Variants in BBS9 observed in about 807,000 individuals in gnomAD.
BBS9 encodes the protein protein PTHB1.
A neutral mutation model predicts 117.7 loss-of-function variants in BBS9; 89 were observed. The observed-to-expected ratio is 0.76, with a 90% CI of 0.64 to 0.90. The LOEUF (loss-of-function observed/expected upper bound fraction) is 0.90, where lower values mean the gene tolerates loss of function less well. Ranked by LOEUF, BBS9 falls within the 40% of genes least tolerant of loss-of-function variation. The pLI is 0.00. For missense variants in BBS9, 982 were observed against 1,042.2 expected (o/e 0.94, Z 0.80); for synonymous variants, 379 against 370.9 (o/e 1.02, Z -0.25).
chr7:33,529,248 C>T (rs116764434), intron 20 of BBS9, among the ~76,000 whole-genome samples: 29 of 152,276 alleles, frequency 1.9e-4, no homozygotes, highest in African/African-American at 7.0e-4. Flanking sequence ...ACTGGGCAGC[C>T]ATGTTGGGGG....
chr7:33,268,472 TGC>T (rs1799190516), intron 7 of BBS9, among the ~76,000 whole-genome samples: 1 of 152,220 alleles, frequency 6.6e-6, no homozygotes, highest in East Asian at 1.9e-4. Context: ...GGAGCAATCA[TGC>T]CACTCACCTC....
chr7:33,218,996 C>T (rs959860450), intron 5 of BBS9, among the ~76,000 whole-genome samples: 30 of 152,304 alleles, frequency 2.0e-4, no homozygotes, highest in African/African-American at 5.8e-4. Context: ...AGCGGGAACC[C>T]GGGCTGCGGG....
At chr7:33,420,106 G>C (rs978364308) in intron 19 of BBS9, among the ~76,000 whole-genome samples, 2 of 152,162 alleles carry the variant, frequency 1.3e-5, no homozygotes, top group Non-Finnish European at 1.5e-5. Context: ...ACAAGAACCA[G>C]GGTTTCTGAG....
At chr7:33,371,177 C>T (rs895348636) in intron 17 of BBS9, among the ~76,000 whole-genome samples, 4 of 152,132 alleles carry the variant, frequency 2.6e-5, no homozygotes, top group Admixed American at 6.5e-5. Context: ...TTCAAAAAGA[C>T]AGTTCCTTTA....
At chr7:33,293,847 T>C (rs1804601921) in intron 9 of BBS9, among the ~76,000 whole-genome samples, 1 of 152,192 alleles carries the variant, frequency 6.6e-6, no homozygotes, top group Non-Finnish European at 1.5e-5. Context: ...TATACCTCTT[T>C]ATTTCATCAC....
intron 9 of BBS9, among the ~76,000 whole-genome samples, chr7:33,291,577 G>A (rs886112104): frequency 2.2e-4 from 34 of 152,026 alleles, no homozygotes; most frequent in African/African-American, 7.0e-4. Flanking sequence ...GTTACTTTAC[G>A]TTTAGAATAT....
chr7:33,328,664 A>G (rs1813334221), intron 9 of BBS9, among the ~76,000 whole-genome samples: 1 of 152,232 alleles, frequency 6.6e-6, no homozygotes, highest in Non-Finnish European at 1.5e-5. Flanking sequence ...CAATGTGATA[A>G]CCTACAATGT....
chr7:33,459,002 C>G (rs1346574597), intron 19 of BBS9, among the ~76,000 whole-genome samples: 1 of 151,998 alleles, frequency 6.6e-6, no homozygotes, highest in Non-Finnish European at 1.5e-5. Flanking sequence ...GGGCTTTTTT[C>G]TTTTCTGCCA....
At chr7:33,615,719 G>A (rs750554654) in intron 21 of BBS9, among the ~76,000 whole-genome samples, 3 of 151,960 alleles carry the variant, frequency 2.0e-5, no homozygotes, top group Non-Finnish European at 4.4e-5. Flanking sequence ...CAGGAAGATC[G>A]GAGAACATCA....
intron 5 of BBS9, among the ~76,000 whole-genome samples, chr7:33,250,044 A>G (rs1434546813): frequency 1.3e-5 from 2 of 152,140 alleles, no homozygotes; most frequent in Non-Finnish European, 2.9e-5. Context: ...TACACCACTT[A>G]GATTTTGTAT....
At chr7:33,158,894 A>T (rs1247935489) in intron 4 of BBS9, among the ~76,000 whole-genome samples, 1 of 152,312 alleles carries the variant, frequency 6.6e-6, no homozygotes, top group African/African-American at 2.4e-5. Context: ...CCACATGGTA[A>T]AAGACGATTT....
intron 7 of BBS9, among the ~76,000 whole-genome samples, chr7:33,272,774 G>T (rs1344880713): frequency 2.6e-5 from 4 of 151,964 alleles, no homozygotes; most frequent in Non-Finnish European, 5.9e-5. Flanking sequence ...TAGTGTTCTT[G>T]AATTGCAGAA....
At chr7:33,182,121 C>T (rs1398046679) in intron 5 of BBS9, among the ~76,000 whole-genome samples, 1 of 152,076 alleles carries the variant, frequency 6.6e-6, no homozygotes, top group African/African-American at 2.4e-5. Context: ...AAAAAACTAT[C>T]CTTTAACCCT....
intron 19 of BBS9, among the ~76,000 whole-genome samples, chr7:33,462,576 C>T (rs954061661): frequency 3.3e-5 from 5 of 151,972 alleles, no homozygotes; most frequent in African/African-American, 4.8e-5. Flanking sequence ...AAACTGTAAA[C>T]GTTCCTAATG....
intron 21 of BBS9, among the ~76,000 whole-genome samples, chr7:33,584,704 T>C (rs1033106326): frequency 6.6e-6 from 1 of 152,150 alleles, no homozygotes; most frequent in Non-Finnish European, 1.5e-5. Flanking sequence ...GAATTACTAA[T>C]ACCTTAATGG....
intron 19 of BBS9, among the ~76,000 whole-genome samples, chr7:33,500,838 C>T (rs909123263): frequency 6.6e-6 from 1 of 152,192 alleles, no homozygotes; most frequent in East Asian, 1.9e-4. Context: ...TTCACACTCA[C>T]TTTATGAGTT....
At chr7:33,559,212 G>A (rs990551168) in intron 21 of BBS9, among the ~76,000 whole-genome samples, 5 of 152,180 alleles carry the variant, frequency 3.3e-5, no homozygotes, top group Non-Finnish European at 7.3e-5. Context: ...GCCCGTAGAA[G>A]ACTAGGAATA....
At chr7:33,244,310 A>C (rs1407483637) in intron 5 of BBS9, among the ~76,000 whole-genome samples, 18 of 152,192 alleles carry the variant, frequency 1.2e-4, no homozygotes, top group Admixed American at 1.2e-3. Flanking sequence ...GTTCTCCAGT[A>C]GTTTCTGAAA....
At chr7:33,344,217 G>T (rs1174998884) in intron 11 of BBS9, among the ~76,000 whole-genome samples, 1 of 150,826 alleles carries the variant, frequency 6.6e-6, no homozygotes, top group East Asian at 2.0e-4. Context: ...GAGTAGCTGG[G>T]ACTACAGGCG....
Sources: gnomAD v4.1 joint callset for allele counts (sites outside exome capture counted in the v4.1 genomes callset) on GRCh38, gnomAD v4.1.1 for gene constraint, MANE v1.5 for transcripts, NCBI Gene and HGNC (gene_info 2026-07-23, HGNC 2026-07-21) for gene names.